The following THAP3 variants were observed in gnomAD, a reference collection of about 807,000 sequenced individuals.
THAP3 encodes the protein THAP domain containing 3.
Under a neutral mutation model 17.7 loss-of-function variants are expected in THAP3, and 12 were observed. That is an observed-to-expected ratio of 0.68 (90% confidence interval 0.43 to 1.10). The LOEUF (loss-of-function observed/expected upper bound fraction) is 1.10, where lower values mean the gene tolerates loss of function less well. Among genes scored for constraint, THAP3 ranks in the 50% least tolerant of loss-of-function variants. THAP3 has a pLI of 0.00. For synonymous variants in THAP3, 133 were observed against 126.9 expected (o/e 1.05, Z -0.32); for missense variants, 289 against 318.0 (o/e 0.91, Z 0.69).
chr1:6,633,084 C>G lies in THAP3; in HGVS notation c.*7C>G, dbSNP rs1362968359. The G allele has an allele frequency of 6.3e-7, 1 of 1,592,868 alleles. No homozygotes were observed. Among genetic ancestry groups the G allele is most frequent in the Non-Finnish European group, 8.5e-7 (1 of 1,170,834 alleles). On this transcript the variant is annotated 3_prime_UTR_variant, in exon 6 of 6. Coordinates refer to ENST00000054650, the MANE Select transcript of THAP3 (RefSeq NM_001195753.2). Reference sequence around the variant, plus strand: ...GCCAGAGCAGCAGAGCTGAGCCCCACAGGCTCCGGACGCAGAGGTGGCAGT... The same window carrying G: ...GCCAGAGCAGCAGAGCTGAGCCCCAGAGGCTCCGGACGCAGAGGTGGCAGT...
intron 2 of THAP3, among the ~76,000 whole-genome samples, chr1:6,625,683 T>C (rs1042844546): frequency 5.3e-5 from 8 of 151,946 alleles, no homozygotes; most frequent in Admixed American, 5.2e-4. Context: ...GTCCTGGCAG[T>C]GGGAAGGGAC....
chr1:6,627,019 C>G (rs540515212), intron 2 of THAP3, among the ~76,000 whole-genome samples: 43 of 152,316 alleles, frequency 2.8e-4, no homozygotes, highest in African/African-American at 1.0e-3. Flanking sequence ...CACTAGTGAG[C>G]CTTGTGACAC....
At chr1:6,627,446 C>T (rs1429049416) in intron 2 of THAP3, among the ~76,000 whole-genome samples, 1 of 152,234 alleles carries the variant, frequency 6.6e-6, no homozygotes, top group Non-Finnish European at 1.5e-5. Flanking sequence ...CTCACTGCAG[C>T]CTCTGCCTCC....
At chr1:6,634,614 C>G (rs748875908), downstream of THAP3, 8 of 1,366,234 alleles carry the variant, frequency 5.9e-6, no homozygotes, top group East Asian at 3.2e-4. Flanking sequence ...ACAGGCCTCA[C>G]GTAACTTTAC....
In THAP3 at chr1:6,628,533, TG is replaced by T; in HGVS notation, c.112del (p.Val38CysfsTer2). The stretch of plus-strand genomic sequence containing the variant: ...CAGCCGCCCGGAGCTGCTGAAGGAA[TG>T]GGTGCTGAACATCGGCCGGGGCAAC... ...PFSRPELLKE[W>X]VLNIGRGNFK... is the part of the protein sequence containing the mutation. On this transcript the variant is annotated frameshift_variant, in exon 3 of 6. Coordinates refer to ENST00000054650, the MANE Select transcript of THAP3 (RefSeq NM_001195753.2). LOFTEE classifies it high-confidence loss of function. The T allele has an allele frequency of 1.2e-6, 2 of 1,613,732 alleles. No individual in the cohort carries two copies. Among genetic ancestry groups the T allele is most frequent in the Non-Finnish European group, 1.7e-6 (2 of 1,179,958 alleles).
chr1:6,630,415 T>C lies in THAP3; in HGVS notation c.333+62T>C, dbSNP rs1570245753. On this transcript the variant is annotated intron_variant, in intron 4 of 5. Coordinates refer to ENST00000054650, the MANE Select transcript of THAP3 (RefSeq NM_001195753.2). ...TATGCTGTGGGTTGAGACAGGGAGG[T>C]GGGATTTTCCCAGCAAGGCCGGCCC... The C allele has an allele frequency of 1.0e-5, 16 of 1,568,300 alleles. No homozygotes were observed. The South Asian group carries it at 1.7e-4, about 16-fold the overall frequency.
In THAP3 at chr1:6,633,178, A is replaced by G; in HGVS notation, c.*101A>G. The stretch of plus-strand genomic sequence containing the variant: ...TTTTGTCTGCTGTGGACACTGAGAA[A>G]GTTGGCCATGAGGCCTGCTTGGCCG... On this transcript the variant is annotated 3_prime_UTR_variant, in exon 6 of 6. Coordinates refer to ENST00000054650, the MANE Select transcript of THAP3 (RefSeq NM_001195753.2). 2 of 1,477,018 alleles carry G rather than the reference A, an allele frequency of 1.4e-6. No homozygotes were observed. Among genetic ancestry groups the G allele is most frequent in the Non-Finnish European group, 1.8e-6 (2 of 1,116,602 alleles). 91.5% of individuals were successfully genotyped at this position (1,477,018 alleles called of 1,614,324 possible). A position where few individuals can be genotyped will look rare whatever the true frequency, so the allele number is the denominator to read the frequency against.
At position 6,625,233 on chromosome 1, in the gene THAP3, C is replaced by A. The variant is rs1386580899; in HGVS notation, c.15C>A (p.Cys5Ter). MPKS[C>*]AARQCCNRYS... The stretch of plus-strand genomic sequence containing the variant: ...CCTGGCTCGAGATGCCGAAGTCGTG[C>A]GCGGCCCGGCAGTGCTGCAACCGCT... Residue 5 changes from cysteine to a stop codon, truncating the protein, a stop_gained, in exon 2 of 6, where the codon TGC (cysteine) becomes TGA (stop). Transcript: ENST00000054650. LOFTEE classifies it high-confidence loss of function. The A allele has an allele frequency of 2.6e-6, 4 of 1,543,710 alleles. No individual in the cohort carries two copies. Among genetic ancestry groups the A allele is most frequent in the Non-Finnish European group, 8.7e-7 (1 of 1,146,246 alleles).
chr1:6,626,567 G>A (rs1445143074), intron 2 of THAP3, among the ~76,000 whole-genome samples: 1 of 152,258 alleles, frequency 6.6e-6, no homozygotes, highest in African/African-American at 2.4e-5. Flanking sequence ...GCTGGGCGTG[G>A]TGGCTCACGC....
chr1:6,632,617 T>A (rs1435524735), intron 5 of THAP3, 122 bp downstream of exon 5: 5 of 1,479,856 alleles, frequency 3.4e-6, no homozygotes, highest in Non-Finnish European at 4.6e-6. Context: ...GCAGCCTGGG[T>A]TTCAGAGCTC....
At chr1:6,634,333 G>A (rs1410611792), downstream of THAP3, 7 of 1,078,310 alleles carry the variant, frequency 6.5e-6, no homozygotes, top group South Asian at 3.3e-5. Context: ...CCGTGGGGCC[G>A]TCAGAGAAAC....
intron 2 of THAP3, 178 bp from the exon 3 acceptor site, chr1:6,628,321 A>G (rs1641517400): frequency 1.7e-6 from 1 of 584,984 alleles, no homozygotes; most frequent in African/African-American, 1.9e-5. Flanking sequence ...TCCTATTAAG[A>G]GTGCTTTAAC....
intron 2 of THAP3, 132 bp downstream of exon 2, chr1:6,625,424 G>C: frequency 1.5e-6 from 1 of 652,302 alleles, no homozygotes; most frequent in Non-Finnish European, 2.1e-6. Flanking sequence ...CCGAGGTCCT[G>C]GGCCCAGAGG....
At chr1:6,630,760 C>A (rs890715133) in intron 4 of THAP3, among the ~76,000 whole-genome samples, 1 of 151,994 alleles carries the variant, frequency 6.6e-6, no homozygotes, top group Non-Finnish European at 1.5e-5. Context: ...GAAATAGAGA[C>A]GGGGTTTTAC....
intron 5 of THAP3, 22 bp from the exon 6 acceptor site, chr1:6,632,771 TAGG>T: frequency 1.9e-6 from 3 of 1,612,278 alleles, no homozygotes; most frequent in Non-Finnish European, 2.5e-6. Flanking sequence ...GATGCAGCTC[TAGG>T]CTCTCACTCC....
rs370903051 is a variant in THAP3, at chr1:6,630,365, G to A, written c.333+12G>A. 65 of 1,613,596 alleles carry A rather than the reference G, an allele frequency of 4.0e-5. No homozygotes were observed. Among genetic ancestry groups the A allele is most frequent in the Admixed American group, 1.2e-4 (7 of 59,996 alleles). On this transcript the variant is annotated intron_variant, in intron 4 of 5. Transcript: ENST00000054650. ...CTCAGAAAGAAAAGGTGAGTGCACCGGGCCAGGTACTTGAATGTTTAAATT... is the reference window on the plus strand; with the variant it reads ...CTCAGAAAGAAAAGGTGAGTGCACCAGGCCAGGTACTTGAATGTTTAAATT...
downstream of THAP3, chr1:6,634,769 G>A (rs769707297): frequency 3.8e-6 from 5 of 1,328,610 alleles, no homozygotes; most frequent in Non-Finnish European, 5.0e-6. Context: ...GCAGGAGCGG[G>A]GAGCTGCAGT....
In THAP3 at chr1:6,632,981, C is replaced by T. The variant is rs1264706677; in HGVS notation, c.624C>T (p.Ala208=). 6.2e-7 allele frequency: 1 copy of T among 1,612,896 alleles called. No individual in the cohort carries two copies. The highest frequency in any genetic ancestry group is 8.5e-7 in the Non-Finnish European group (1 of 1,179,882). The change falls in exon 6 of 6, where the codon GCC becomes GCT. Residue 208 remains alanine, a synonymous_variant. Transcript: ENST00000054650. ...ENEKLRKRLQ[A]QRLVMRRMSS... Reference sequence around the variant, plus strand: ...AAAAGCTCCGGAAGCGCTTGCAGGCCCAGAGGCTGGTGATGCGAAGGATGT... The same window carrying T: ...AAAAGCTCCGGAAGCGCTTGCAGGCTCAGAGGCTGGTGATGCGAAGGATGT...
Position 6,632,559 on chromosome 1 carries a change from A to T in THAP3, c.438+64A>T, listed in dbSNP as rs771555392. On this transcript the variant is annotated intron_variant, in intron 5 of 5. Transcript: ENST00000054650. The stretch of plus-strand genomic sequence containing the variant: ...AGATGACTTGCTCCAAACAAAATGG[A>T]AACCAGTGAGCACCCACCATGAGAC... 3.1e-6 allele frequency: 5 copies of T among 1,605,116 alleles called. No homozygotes were observed. In the South Asian group the frequency reaches 5.6e-5, roughly 18 times the overall value.
Sources: allele counts gnomAD v4.1 joint callset (sites outside exome capture counted in the v4.1 genomes callset), GRCh38; gene constraint gnomAD v4.1.1; transcripts MANE v1.5; gene names NCBI Gene and HGNC (gene_info 2026-07-23, HGNC 2026-07-21).